The following NOTCH2 variants were observed in gnomAD, a reference collection of about 807,000 sequenced individuals.
The protein encoded by NOTCH2 is neurogenic locus notch homolog protein 2.
A neutral mutation model predicts 235.8 loss-of-function variants in NOTCH2; 29 were observed. The ratio of observed to expected loss-of-function variants is 0.12; its 90% CI spans 0.09 to 0.17. The LOEUF is 0.17. Ranked by LOEUF, NOTCH2 falls within the 10% of genes least tolerant of loss-of-function variation. The probability of loss-of-function intolerance (pLI) is 1.00; values close to 1 mark genes in which losing one functional copy is unlikely to be tolerated. For synonymous variants in NOTCH2, 1,086 were observed against 1,141.5 expected (o/e 0.95, Z 0.98); for missense variants, 2,285 against 3,150.2 (o/e 0.73, Z 6.57).
At chr1:119,959,817 A>G (rs1553198809) in intron 11 of NOTCH2, among the ~76,000 whole-genome samples, 1 of 152,236 alleles carries the variant, frequency 6.6e-6, no homozygotes, top group Non-Finnish European at 1.5e-5. Context: ...AGACTGTACT[A>G]TAATTATTCT....
chr1:120,028,172 A>G (rs1653944111), intron 2 of NOTCH2, among the ~76,000 whole-genome samples: 1 of 106,830 alleles, frequency 9.4e-6, no homozygotes, highest in Non-Finnish European at 1.9e-5. Flanking sequence ...CTGAACAATA[A>G]CTACACCAGG....
chr1:119,932,603 ACAAATATCTATC>A (rs1649705968), intron 22 of NOTCH2, among the ~76,000 whole-genome samples: 1 of 138,088 alleles, frequency 7.2e-6, no homozygotes, highest in African/African-American at 2.9e-5. Flanking sequence ...AAACAAACAA[ACAAATATCTATC>A]TATCTATCTA....
intron 1 of NOTCH2, among the ~76,000 whole-genome samples, chr1:120,041,892 AAAG>A (rs1233285344): frequency 2.1e-4 from 30 of 141,648 alleles, no homozygotes; most frequent in Admixed American, 1.7e-3. Flanking sequence ...GAAAAAAAGA[AAAG>A]AGAGAGAGGA....
chr1:120,011,696 A>G, intron 2 of NOTCH2, among the ~76,000 whole-genome samples: 1 of 152,080 alleles, frequency 6.6e-6, no homozygotes, highest in Non-Finnish European at 1.5e-5. Flanking sequence ...TTTATATATG[A>G]GGAACTCGAA....
At chr1:120,024,827 T>C (rs1206179674) in intron 2 of NOTCH2, among the ~76,000 whole-genome samples, 26 of 152,004 alleles carry the variant, frequency 1.7e-4, no homozygotes, top group African/African-American at 5.8e-4. Flanking sequence ...GGCCCCTTTA[T>C]ATTTCCAATT....
At chr1:120,062,840 T>C (rs1312168745) in intron 1 of NOTCH2, among the ~76,000 whole-genome samples, 1 of 151,990 alleles carries the variant, frequency 6.6e-6, no homozygotes, top group Non-Finnish European at 1.5e-5. Flanking sequence ...TGGAAACCTA[T>C]GTATTTACAT....
intron 5 of NOTCH2, among the ~76,000 whole-genome samples, chr1:119,977,525 C>T (rs1408514094): frequency 1.3e-5 from 2 of 152,200 alleles, no homozygotes; most frequent in South Asian, 2.1e-4. Flanking sequence ...TCCTGCAGTC[C>T]TCCTCTTCTA....
At chr1:119,919,656 G>T in intron 30 of NOTCH2, 43 bp from the exon 31 acceptor site, 1 of 1,587,556 alleles carries the variant, frequency 6.3e-7, no homozygotes, top group Non-Finnish European at 8.6e-7. Flanking sequence ...AGAAGGAGAA[G>T]GTAGTTAACC....
At chr1:119,921,905 AT>A in intron 28 of NOTCH2, 96 bp from the exon 29 acceptor site, 1 of 1,084,762 alleles carries the variant, frequency 9.2e-7, no homozygotes, top group Non-Finnish European at 1.4e-6. Flanking sequence ...CCGTGGCTAT[AT>A]TACAATTTTG....
At chr1:119,985,328 G>A (rs1651973325) in intron 5 of NOTCH2, among the ~76,000 whole-genome samples, 1 of 152,084 alleles carries the variant, frequency 6.6e-6, no homozygotes, top group African/African-American at 2.4e-5. Flanking sequence ...ACTTATCCAT[G>A]ATCTCCACCA....
intron 22 of NOTCH2, among the ~76,000 whole-genome samples, chr1:119,932,901 G>C (rs1649718947): frequency 6.6e-6 from 1 of 152,118 alleles, no homozygotes; most frequent in African/African-American, 2.4e-5. Flanking sequence ...GGGAAAATTT[G>C]CCCACCAGAA....
chr1:119,983,000 C>T (rs1336306785), intron 5 of NOTCH2, among the ~76,000 whole-genome samples: 3 of 152,020 alleles, frequency 2.0e-5, no homozygotes, highest in African/African-American at 7.2e-5. Flanking sequence ...GTAATGCTGT[C>T]CAACTGAAAT....
chr1:120,063,830 T>C (rs587749017), intron 1 of NOTCH2, among the ~76,000 whole-genome samples: 1 of 152,330 alleles, frequency 6.6e-6, no homozygotes, highest in Non-Finnish European at 1.5e-5. Flanking sequence ...AGAATCTCCA[T>C]GAGAACACCT....
chr1:119,965,316 G>C (rs1047017236), intron 10 of NOTCH2, 137 bp downstream of exon 10: 5 of 796,264 alleles, frequency 6.3e-6, no homozygotes, highest in Admixed American at 1.8e-5. Context: ...AAATTTGTTA[G>C]AAACAGCTCT....
At chr1:119,958,400 A>C (rs1553198628) in intron 12 of NOTCH2, among the ~76,000 whole-genome samples, 1 of 152,250 alleles carries the variant, frequency 6.6e-6, no homozygotes, top group African/African-American at 2.4e-5. Flanking sequence ...ATTCTTGGCA[A>C]ATGAATGGTG....
At chr1:119,975,575 G>C (rs1651543146) in intron 5 of NOTCH2, among the ~76,000 whole-genome samples, 1 of 151,308 alleles carries the variant, frequency 6.6e-6, no homozygotes. Context: ...GAATCCAGGA[G>C]GCGGAGGTGG....
chr1:120,002,798 C>T (rs1176568569), intron 3 of NOTCH2, among the ~76,000 whole-genome samples: 4 of 145,462 alleles, frequency 2.7e-5, no homozygotes, highest in South Asian at 4.6e-4. Context: ...ATTTAAGTAT[C>T]GTTAACTTTA....
intron 1 of NOTCH2, among the ~76,000 whole-genome samples, chr1:120,064,404 T>C (rs1457295430): frequency 3.3e-5 from 5 of 151,108 alleles, no homozygotes; most frequent in African/African-American, 9.8e-5. Flanking sequence ...AAAAAGTCTG[T>C]GGGTGGGGTC....
intron 6 of NOTCH2, among the ~76,000 whole-genome samples, chr1:119,969,004 T>G (rs587718293): frequency 6.6e-6 from 1 of 152,342 alleles, no homozygotes; most frequent in South Asian, 2.1e-4. Context: ...CTAGAACTAG[T>G]AGTTGTTAAA....
Sources: gnomAD v4.1 joint callset for allele counts (sites outside exome capture counted in the v4.1 genomes callset) on GRCh38, gnomAD v4.1.1 for gene constraint, MANE v1.5 for transcripts, NCBI Gene and HGNC (gene_info 2026-07-23, HGNC 2026-07-21) for gene names.